PAK3: variants seen among roughly 807,000 people sequenced by gnomAD.
The protein encoded by PAK3 is p21 (RAC1) activated kinase 3, also known as serine/threonine-protein kinase PAK 3.
PAK3 carries 4 observed loss-of-function variants against 41.0 expected under a neutral mutation model. The observed-to-expected ratio is 0.10, with a 90% confidence interval of 0.05 to 0.22. The LOEUF (loss-of-function observed/expected upper bound fraction) is 0.22. PAK3 is among the 10% of genes least tolerant of loss of function. PAK3 has a pLI of 1.00. For missense variants in PAK3, 205 were observed against 409.9 expected (o/e 0.50, Z 4.32); for synonymous variants, 146 against 139.6 (o/e 1.05, Z -0.32).
chrX:111,161,706 A>C (rs1040297022), intron 8 of PAK3, among the ~76,000 whole-genome samples: 5 of 108,886 alleles, frequency 4.6e-5, no homozygotes, highest in Admixed American at 9.7e-5. Context: ...TTTCCCAGCA[A>C]AATTTATTAA....
intron 1 of PAK3, among the ~76,000 whole-genome samples, chrX:111,078,613 C>CA (rs1209256275): frequency 9.0e-6 from 1 of 110,804 alleles, no homozygotes; most frequent in East Asian, 2.8e-4. Flanking sequence ...TGAGACACAA[C>CA]AATATTGAAA....
intron 1 of PAK3, among the ~76,000 whole-genome samples, chrX:110,959,691 C>T (rs1376837610): frequency 1.8e-5 from 2 of 111,250 alleles, no homozygotes; most frequent in African/African-American, 6.5e-5. Flanking sequence ...CCTTAATTGA[C>T]ACATCAGTTC....
At chrX:111,059,911 A>G (rs1482820220) in intron 1 of PAK3, among the ~76,000 whole-genome samples, 1 of 111,705 alleles carries the variant, frequency 9.0e-6, no homozygotes, top group Admixed American at 9.5e-5. Context: ...TCCAATCTGG[A>G]TACCCTTTAT....
chrX:111,074,655 G>C (rs1047562745), intron 1 of PAK3, among the ~76,000 whole-genome samples: 1 of 112,133 alleles, frequency 8.9e-6, no homozygotes, highest in African/African-American at 3.2e-5. Flanking sequence ...AAAGATACCT[G>C]AAAATGTGGA....
intron 1 of PAK3, among the ~76,000 whole-genome samples, chrX:110,976,532 A>C (rs953496007): frequency 4.8e-4 from 54 of 112,151 alleles, no homozygotes; most frequent in African/African-American, 1.6e-3. Flanking sequence ...TAGTTCAACC[A>C]TTGTGGAAGA....
At chrX:110,965,117 G>A (rs1276720257) in intron 1 of PAK3, among the ~76,000 whole-genome samples, 1 of 112,223 alleles carries the variant, frequency 8.9e-6, no homozygotes, top group Admixed American at 9.4e-5. Flanking sequence ...TGATATTCCA[G>A]CTTCTCCTGA....
At chrX:111,163,097 T>A in intron 9 of PAK3, 51 bp downstream of exon 9, 1 of 1,105,414 alleles carries the variant, frequency 9.0e-7, no homozygotes, top group Non-Finnish European at 1.3e-6. Context: ...CCCTTTGGAA[T>A]AGTCATAGAG....
chrX:111,096,664 G>A (rs1328685674), intron 1 of PAK3: 1 of 110,831 alleles, frequency 9.0e-6, no homozygotes, highest in Admixed American at 9.5e-5. Flanking sequence ...TCCTTCGCTT[G>A]GTCAAACCCT....
chrX:111,064,747 T>C (rs1331048378), intron 1 of PAK3, among the ~76,000 whole-genome samples: 4 of 112,579 alleles, frequency 3.6e-5, no homozygotes, highest in Non-Finnish European at 7.5e-5. Flanking sequence ...AATTGTGCTG[T>C]GATGAACATA....
intron 1 of PAK3, among the ~76,000 whole-genome samples, chrX:111,028,070 A>G (rs184428958): frequency 1.7e-4 from 10 of 57,158 alleles, no homozygotes; most frequent in Admixed American, 1.3e-3. Flanking sequence ...CTACTCAGCC[A>G]TAAAAAGGAA....
intron 4 of PAK3, among the ~76,000 whole-genome samples, chrX:111,111,958 T>A (rs1245496812): frequency 1.8e-5 from 2 of 111,384 alleles, no homozygotes; most frequent in Non-Finnish European, 3.8e-5. Flanking sequence ...CCATGCTGCA[T>A]GTGCTTTCTG....
At chrX:111,093,129 G>A (rs1411356969), upstream of PAK3, among the ~76,000 whole-genome samples, 1 of 111,913 alleles carries the variant, frequency 8.9e-6, no homozygotes, top group Non-Finnish European at 1.9e-5. Flanking sequence ...TAAAGACCCA[G>A]AGAAGATATA....
chrX:111,143,905 T>C (rs1419671714), intron 6 of PAK3, among the ~76,000 whole-genome samples: 2 of 111,802 alleles, frequency 1.8e-5, no homozygotes, highest in Non-Finnish European at 3.8e-5. Context: ...TCTTCCTTTT[T>C]GTTTTCTGAT....
upstream of PAK3, among the ~76,000 whole-genome samples, chrX:111,093,076 C>T (rs1378654218): frequency 1.8e-5 from 2 of 111,706 alleles, no homozygotes; most frequent in African/African-American, 6.5e-5. Context: ...CCCATCCCAG[C>T]GCTTCTCACT....
intron 1 of PAK3, among the ~76,000 whole-genome samples, chrX:111,080,606 C>A (rs1350755719): frequency 2.7e-5 from 3 of 111,743 alleles, no homozygotes. Context: ...CCGTCAATAT[C>A]TCCAAAGTAT....
intron 4 of PAK3, among the ~76,000 whole-genome samples, chrX:111,110,232 A>T (rs1478885056): frequency 1.8e-5 from 2 of 112,501 alleles, no homozygotes; most frequent in African/African-American, 3.2e-5. Context: ...AAATGTGGAT[A>T]TGTGATCCTC....
chrX:111,146,011 C>A (rs896044783), intron 6 of PAK3, among the ~76,000 whole-genome samples: 4 of 111,691 alleles, frequency 3.6e-5, no homozygotes, highest in African/African-American at 1.3e-4. Context: ...TCAATGTTTC[C>A]ATACAGCCAT....
At chrX:111,214,890 T>A (rs755287557) in intron 16 of PAK3, among the ~76,000 whole-genome samples, 48 of 111,754 alleles carry the variant, frequency 4.3e-4, no homozygotes, top group African/African-American at 1.3e-3. Context: ...AGGGGGAACA[T>A]GTCTTCATGA....
chrX:111,158,674 A>G (rs1256940093), intron 8 of PAK3, among the ~76,000 whole-genome samples: 1 of 112,256 alleles, frequency 8.9e-6, no homozygotes, highest in Non-Finnish European at 1.9e-5. Flanking sequence ...TCCAAAGTAA[A>G]CAGAAATATC....
Sources: gnomAD v4.1 joint callset for allele counts (sites outside exome capture counted in the v4.1 genomes callset) on GRCh38, gnomAD v4.1.1 for gene constraint, MANE v1.5 for transcripts, NCBI Gene and HGNC (gene_info 2026-07-23, HGNC 2026-07-21) for gene names.